CLCN7: variants seen among roughly 807,000 people sequenced by gnomAD.
The protein encoded by CLCN7 is H(+)/Cl(-) exchange transporter 7.
Under a neutral mutation model 102.1 loss-of-function variants are expected in CLCN7, and 60 were observed. That is an observed-to-expected ratio of 0.59 (90% CI 0.48 to 0.73). The LOEUF is 0.73. Ranked by LOEUF, CLCN7 falls within the 30% of genes least tolerant of loss-of-function variation. CLCN7 has a pLI of 0.00. For missense variants in CLCN7, 962 were observed against 1,125.7 expected, an observed-to-expected ratio of 0.85 and a Z score of 2.08; for synonymous variants, 560 against 490.5, an observed-to-expected ratio of 1.14 and a Z score of -1.87.
In CLCN7 at chr16:1,448,711, G is replaced by A. The variant is rs1172405958; in HGVS notation, c.1853C>T (p.Ala618Val). ...LQSVPFLHWE[A>V]PVTSHSLTAR... is the part of the protein sequence containing the mutation. ...AGTGAGTGAGTGTGAGGTGACCGGG[G>A]CCTCCCAGTGCAGGAAGGGCACACT... Residue 618 changes from alanine (A) to valine (V), a missense_variant, in exon 20 of 25, where the codon GCC becomes GTC. This residue lies in a region of CLCN7 where 799 missense variants were observed against 988.0 expected (regional missense o/e 0.81). Coordinates refer to ENST00000382745, the MANE Select transcript of CLCN7 (RefSeq NM_001287.6). 2 of 1,612,626 alleles carry A rather than the reference G, an allele frequency of 1.2e-6. No individual in the cohort carries two copies. The highest frequency in any genetic ancestry group is 1.7e-6 in the Non-Finnish European group (2 of 1,179,962).
chr16:1,447,613 C>T (rs926812589), intron 22 of CLCN7, 42 bp downstream of exon 22: 27 of 1,551,600 alleles, frequency 1.7e-5, no homozygotes, highest in Admixed American at 1.2e-4. Context: ...GCAGCACCCC[C>T]GGGGCCCCCA....
At position 1,460,440 on chromosome 16, in the gene CLCN7, G is replaced by C; in HGVS notation, c.572C>G (p.Ser191Cys). 4 of 1,613,496 alleles carry C rather than the reference G, an allele frequency of 2.5e-6. No homozygotes were observed. Among genetic ancestry groups the C allele is most frequent in the Non-Finnish European group, 3.4e-6 (4 of 1,179,730 alleles). ...TLNAAFVLVG[S>C]VIVAFIEPVA... ...CACCTCTATGAAAGCCACAATCACAGAGCCCACGAGCACGAAGGCGGCGTT... is the reference window on the plus strand; with the variant it reads ...CACCTCTATGAAAGCCACAATCACACAGCCCACGAGCACGAAGGCGGCGTT... Residue 191 changes from serine to cysteine, a missense_variant, in exon 6 of 25, where the codon TCT becomes TGT. Physicochemically the swap from Ser to Cys is moderately radical, Grantham distance 112 (BLOSUM62 -1). This residue lies in a region of CLCN7 where 799 missense variants were observed against 988.0 expected (regional missense o/e 0.81). Coordinates refer to ENST00000382745, the MANE Select transcript of CLCN7 (RefSeq NM_001287.6).
intron 11 of CLCN7, 66 bp from the exon 12 acceptor site, chr16:1,455,316 G>A: frequency 9.7e-7 from 1 of 1,032,778 alleles, no homozygotes; most frequent in Non-Finnish European, 1.5e-6. Context: ...TCACGGACCA[G>A]CAGGGACCAT....
chr16:1,455,150 C>T lies in CLCN7; in HGVS notation c.1082G>A (p.Gly361Glu), dbSNP rs1467842429. ...GCAGGTTACCTCCGAGTCAAACCTT[C>T]CGAAGTTGATGAGGCCTGGGCTGGA... ...DLSSPGLINFGRFDSEKMAYT... is the reference protein window; with the variant it reads ...DLSSPGLINFERFDSEKMAYT... The change falls in exon 12 of 25, where the codon GGA becomes GAA. Residue 361 changes from glycine to glutamate, a missense_variant. Gly to Glu is a moderately conservative substitution (Grantham distance 98). Coordinates refer to ENST00000382745, the MANE Select transcript of CLCN7 (RefSeq NM_001287.6). 1.4e-5 allele frequency: 22 copies of T among 1,610,320 alleles called. No individual in the cohort carries two copies. The highest frequency in any genetic ancestry group is 1.6e-5 in the Non-Finnish European group (19 of 1,176,564).
chr16:1,474,856 G>C lies in CLCN7; in HGVS notation c.119C>G (p.Ala40Gly), dbSNP rs2039129279. ...PGGGTPLLNG[A>G]GPGAARQSPR... ...CACCTGGCGCGCAGCCCCAGGCCCA[G>C]CCCCGTTCAGCAGCGGCGTCCCCCC... The change falls in exon 1 of 25, where the codon GCT becomes GGT. Residue 40 changes from alanine to glycine, a missense_variant. By Grantham distance (60) the Ala-to-Gly change is moderately conservative. Coordinates refer to ENST00000382745, the MANE Select transcript of CLCN7 (RefSeq NM_001287.6). The C allele has an allele frequency of 3.5e-6, 5 of 1,439,420 alleles. No homozygotes were observed. The African/African-American group carries it at 4.5e-5, about 13-fold the overall frequency. 89.2% of individuals were successfully genotyped at this position (1,439,420 alleles called of 1,614,324 possible). A position where few individuals can be genotyped will look rare whatever the true frequency, so the allele number is the denominator to read the frequency against.
intron 1 of CLCN7, among the ~76,000 whole-genome samples, chr16:1,470,337 T>C (rs1356454811): frequency 6.6e-6 from 1 of 152,214 alleles, no homozygotes; most frequent in Non-Finnish European, 1.5e-5. Context: ...TACCACAGTT[T>C]TTTTTAAAAC....
At chr16:1,456,053 C>T (rs909953194) in intron 10 of CLCN7, 60 bp downstream of exon 10, 2 of 1,369,816 alleles carry the variant, frequency 1.5e-6, no homozygotes, top group African/African-American at 1.4e-5. Context: ...AGAGAGGAGA[C>T]CGTTCCTTCC....
chr16:1,450,364 C>T, intron 17 of CLCN7, 133 bp downstream of exon 17: 1 of 947,684 alleles, frequency 1.1e-6, no homozygotes, highest in East Asian at 2.7e-5. Context: ...CACGCGAGGA[C>T]AACGCCCACG....
intron 19 of CLCN7, 95 bp downstream of exon 19, chr16:1,448,871 T>TA: frequency 6.3e-7 from 1 of 1,597,674 alleles, no homozygotes; most frequent in Non-Finnish European, 8.5e-7. Flanking sequence ...ACCCTGAGCC[T>TA]ACCCCCCGGG....
chr16:1,462,924 G>A (rs1188522421), intron 2 of CLCN7, among the ~76,000 whole-genome samples: 1 of 152,192 alleles, frequency 6.6e-6, no homozygotes, highest in Non-Finnish European at 1.5e-5. Context: ...ACTCTGGGAG[G>A]CAGAGGCAGA....
At chr16:1,451,572 T>C (rs904442278) in intron 16 of CLCN7, 51 bp downstream of exon 16, 2 of 1,522,302 alleles carry the variant, frequency 1.3e-6, no homozygotes, top group African/African-American at 2.7e-5. Context: ...CCAGAAGGCA[T>C]CACCCAGGCC....
At chr16:1,464,100 CA>C (rs767709069) in intron 2 of CLCN7, among the ~76,000 whole-genome samples, 25 of 152,086 alleles carry the variant, frequency 1.6e-4, no homozygotes, top group Non-Finnish European at 3.5e-4. Flanking sequence ...ATTTGAGCAA[CA>C]AAAGACACCA....
At chr16:1,461,751 G>C (rs771673808) in intron 2 of CLCN7, 77 bp from the exon 3 acceptor site, 25 of 1,235,142 alleles carry the variant, frequency 2.0e-5, no homozygotes, top group Non-Finnish European at 2.8e-5. Context: ...GCTCACACAC[G>C]AGGCCATTAT....
At chr16:1,473,965 T>C (rs2039115102) in intron 1 of CLCN7, among the ~76,000 whole-genome samples, 1 of 152,060 alleles carries the variant, frequency 6.6e-6, no homozygotes, top group Non-Finnish European at 1.5e-5. Context: ...ACGCCTGTAA[T>C]TCCAGCTACT....
chr16:1,449,908 G>A (rs2038716867), intron 17 of CLCN7: 2 of 182,372 alleles, frequency 1.1e-5, no homozygotes, highest in South Asian at 1.1e-4. Context: ...GGAGGGAGAT[G>A]GGCAGAGCAC....
intron 11 of CLCN7, 96 bp from the exon 12 acceptor site, chr16:1,455,346 G>C: frequency 1.2e-6 from 1 of 864,586 alleles, no homozygotes; most frequent in Non-Finnish European, 2.0e-6. Context: ...TGTCAGCCCC[G>C]GGGCCAGGAG....
In CLCN7 at chr16:1,446,511, G is replaced by T; in HGVS notation, c.*120C>A. Reference sequence around the variant, plus strand: ...CTGCCGCCTGCCCGCCCAGCTGCAGGGTGCTCGCCATTGCCACTGCTGGGG... The same window carrying T: ...CTGCCGCCTGCCCGCCCAGCTGCAGTGTGCTCGCCATTGCCACTGCTGGGG... On this transcript the variant is annotated 3_prime_UTR_variant, in exon 25 of 25. Coordinates refer to ENST00000382745, the MANE Select transcript of CLCN7 (RefSeq NM_001287.6). 1 of 911,970 alleles carries T rather than the reference G, an allele frequency of 1.1e-6. No homozygotes were observed. Among genetic ancestry groups the T allele is most frequent in the Non-Finnish European group, 1.7e-6 (1 of 571,508 alleles). 56.5% of individuals were successfully genotyped at this position (911,970 alleles called of 1,614,324 possible). A position where few individuals can be genotyped will look rare whatever the true frequency, so the allele number is the denominator to read the frequency against.
chr16:1,474,838 C>A lies in CLCN7; in HGVS notation c.137G>T (p.Arg46Leu). The A allele has an allele frequency of 1.5e-6, 2 of 1,358,538 alleles. No individual in the cohort carries two copies. The highest frequency in any genetic ancestry group is 9.5e-7 in the Non-Finnish European group (1 of 1,054,664). 84.2% of individuals were successfully genotyped at this position (1,358,538 alleles called of 1,614,324 possible). ...CTGCGCCCTGCCCGGCCTCACCTGG[C>A]GCGCAGCCCCAGGCCCAGCCCCGTT... ...LLNGAGPGAA[R>L]QSPRSALFRV... is the part of the protein sequence containing the mutation. Residue 46 changes from arginine (R) to leucine (L), a missense_variant, in exon 1 of 25, where the codon CGC (arginine) becomes CTC (leucine). Around this residue, in one of 2 missense-constraint regions of CLCN7, gnomAD observed 163 missense variants for 137.7 expected, o/e 1.18. Coordinates refer to ENST00000382745, the MANE Select transcript of CLCN7 (RefSeq NM_001287.6).
chr16:1,452,374 T>C (rs906109537), intron 15 of CLCN7: 1 of 299,338 alleles, frequency 3.3e-6, no homozygotes, highest in Non-Finnish European at 6.5e-6. Context: ...ACAGTGCAGA[T>C]GGACGCACGG....
Sources: gnomAD v4.1 joint callset for allele counts (sites outside exome capture counted in the v4.1 genomes callset) on GRCh38, gnomAD v4.1.1 for gene constraint, gnomAD v4.1.1 regional missense constraint, MANE v1.5 for transcripts, NCBI Gene and HGNC (gene_info 2026-07-23, HGNC 2026-07-21) for gene names.